The following RANBP2 variants were observed in gnomAD, a reference collection of about 807,000 sequenced individuals.
RANBP2 encodes the protein E3 SUMO-protein ligase RanBP2.
In RANBP2, 57 loss-of-function variants were observed where a neutral mutation model predicts 303.6. The ratio of observed to expected loss-of-function variants is 0.19; its 90% CI spans 0.15 to 0.23. RANBP2 has a LOEUF of 0.23. Among genes scored for constraint, RANBP2 ranks in the 10% least tolerant of loss-of-function variants. The pLI, the probability that RANBP2 is intolerant of heterozygous loss-of-function variation, is 1.00. For synonymous variants in RANBP2, 1,167 were observed against 1,301.5 expected (o/e 0.90, Z 2.23); for missense variants, 3,138 against 3,780.8 (o/e 0.83, Z 4.46).
chr2:109,428,434 T>C, the RANBP2 span, among the ~76,000 whole-genome samples: 1 of 152,206 alleles, frequency 6.6e-6, no homozygotes, highest in African/African-American at 2.4e-5. Flanking sequence ...AGCAGACACA[T>C]GCCATGCCCA....
chr2:109,159,265 A>G, the RANBP2 span, among the ~76,000 whole-genome samples: 8 of 152,250 alleles, frequency 5.3e-5, no homozygotes, highest in South Asian at 1.7e-3. Context: ...CATGGGCTCT[A>G]TCCCGGCGCA....
the RANBP2 span, among the ~76,000 whole-genome samples, chr2:109,332,175 C>T: frequency 4.6e-5 from 7 of 152,258 alleles, no homozygotes; most frequent in South Asian, 2.1e-4. Flanking sequence ...GAAGCATCTG[C>T]GGCCCGGAGC....
the RANBP2 span, among the ~76,000 whole-genome samples, chr2:109,058,680 A>C: frequency 6.6e-6 from 1 of 152,198 alleles, no homozygotes; most frequent in Non-Finnish European, 1.5e-5. Flanking sequence ...AGGAGTTGGG[A>C]GCAACCATTT....
chr2:109,591,560 C>CT, the RANBP2 span, among the ~76,000 whole-genome samples: 1 of 152,156 alleles, frequency 6.6e-6, no homozygotes, highest in Non-Finnish European at 1.5e-5. Flanking sequence ...AAACAAGAGA[C>CT]TACAGTTATT....
the RANBP2 span, among the ~76,000 whole-genome samples, chr2:109,476,052 C>T: frequency 2.6e-5 from 4 of 152,226 alleles, no homozygotes; most frequent in African/African-American, 9.6e-5. Flanking sequence ...CCAGAGTTAG[C>T]AGTACTGTAC....
the RANBP2 span, among the ~76,000 whole-genome samples, chr2:109,262,411 T>C: frequency 6.6e-6 from 1 of 152,192 alleles, no homozygotes. Context: ...CAAACTCTGC[T>C]TTCGATGCCC....
the RANBP2 span, among the ~76,000 whole-genome samples, chr2:109,547,407 G>A: frequency 6.7e-6 from 1 of 148,836 alleles, no homozygotes; most frequent in Admixed American, 6.8e-5. Flanking sequence ...GAAAATAAGG[G>A]GTCATTCCAA....
the RANBP2 span, among the ~76,000 whole-genome samples, chr2:108,923,887 T>G: frequency 4.6e-5 from 7 of 152,196 alleles, no homozygotes; most frequent in African/African-American, 1.7e-4. Flanking sequence ...CCTAGTGGGA[T>G]TATAGGCATC....
chr2:109,129,333 TCCCCGCCACGCAGGCCG>T, the RANBP2 span: 3 of 1,308 alleles, frequency 2.3e-3, no homozygotes, highest in African/African-American at 9.3e-4. Flanking sequence ...GGCTGGCCGG[TCCCCGCCACGCAGGCCG>T]GTCCCCGCCA....
At chr2:109,683,791 T>A in the RANBP2 span, among the ~76,000 whole-genome samples, 1 of 152,018 alleles carries the variant, frequency 6.6e-6, no homozygotes. Context: ...TGCTTGGGGG[T>A]CCCTTTTTGA....
At chr2:109,160,172 A>G in the RANBP2 span, among the ~76,000 whole-genome samples, 1 of 152,148 alleles carries the variant, frequency 6.6e-6, no homozygotes, top group African/African-American at 2.4e-5. Flanking sequence ...GTCACCAGGA[A>G]GTCACTCTCT....
chr2:109,231,840 A>G, the RANBP2 span, among the ~76,000 whole-genome samples: 1 of 152,210 alleles, frequency 6.6e-6, no homozygotes, highest in Non-Finnish European at 1.5e-5. Context: ...TGGATTAGAT[A>G]TTTGCCATTA....
chr2:109,029,135 TAAATA>T, the RANBP2 span, among the ~76,000 whole-genome samples: 5 of 151,788 alleles, frequency 3.3e-5, no homozygotes, highest in Admixed American at 1.3e-4. Flanking sequence ...ACTACAAAAA[TAAATA>T]AAATAAATAA....
the RANBP2 span, among the ~76,000 whole-genome samples, chr2:109,136,615 T>G: frequency 6.6e-6 from 1 of 152,160 alleles, no homozygotes; most frequent in Non-Finnish European, 1.5e-5. Context: ...GCTGCAGCTC[T>G]CCTTTGGGAG....
chr2:108,773,193 A>G lies in RANBP2; in HGVS notation c.8292+147A>G, dbSNP rs371212251. 2.4e-4 allele frequency: 196 copies of G among 817,786 alleles called. 1 individual carries two copies. The highest frequency in any genetic ancestry group is 3.3e-4 in the Non-Finnish European group (165 of 504,564). 50.7% of individuals were successfully genotyped at this position (817,786 alleles called of 1,614,324 possible). On this transcript the variant is annotated intron_variant, in intron 23 of 28. Transcript: ENST00000283195. ...AGTGCAATGGCATGCTCGTGGCTCA[A>G]TGCAGCCTTCATCTCCCAGGTTCAA...
At chr2:109,557,404 G>C in the RANBP2 span, among the ~76,000 whole-genome samples, 1 of 152,098 alleles carries the variant, frequency 6.6e-6, no homozygotes, top group Non-Finnish European at 1.5e-5. Flanking sequence ...TGAAGAACAA[G>C]CCCTGACATT....
At chr2:109,566,080 T>C in the RANBP2 span, among the ~76,000 whole-genome samples, 1 of 152,090 alleles carries the variant, frequency 6.6e-6, no homozygotes, top group African/African-American at 2.4e-5. Context: ...ATGTAAGGCA[T>C]TATGCTATTG....
chr2:109,739,686 T>G, the RANBP2 span, among the ~76,000 whole-genome samples: 30 of 152,120 alleles, frequency 2.0e-4, no homozygotes, highest in Admixed American at 1.9e-3. Context: ...TAATTTTACG[T>G]CTTCCTTTCC....
At chr2:109,532,377 T>C in the RANBP2 span, among the ~76,000 whole-genome samples, 2 of 152,150 alleles carry the variant, frequency 1.3e-5, no homozygotes, top group Non-Finnish European at 2.9e-5. Flanking sequence ...TAGAACTTTT[T>C]GTTCAAATTA....
Sources: allele counts gnomAD v4.1 joint callset (sites outside exome capture counted in the v4.1 genomes callset), GRCh38; gene constraint gnomAD v4.1.1; transcripts MANE v1.5; gene names NCBI Gene and HGNC (gene_info 2026-07-23, HGNC 2026-07-21).